The following PPFIBP2 variants were observed in gnomAD, a reference collection of about 807,000 sequenced individuals.
PPFIBP2 encodes the protein liprin-beta-2.
Under a neutral mutation model 118.3 loss-of-function variants are expected in PPFIBP2, and 118 were observed. The ratio of observed to expected loss-of-function variants is 1.00; its 90% CI spans 0.86 to 1.16. PPFIBP2 has a LOEUF of 1.16. Among genes scored for constraint, PPFIBP2 ranks in the 50% most tolerant of loss-of-function variants. The pLI, the probability that PPFIBP2 is intolerant of heterozygous loss-of-function variation, is 0.00. For synonymous variants in PPFIBP2, 414 were observed against 397.4 expected (o/e 1.04, Z -0.50); for missense variants, 1,195 against 1,073.1 (o/e 1.11, Z -1.59).
In PPFIBP2 at chr11:7,517,959, T is replaced by G. The variant is rs199836733; in HGVS notation, c.-37+3838T>G. On this transcript the variant is annotated intron_variant, in intron 1 of 23. Coordinates refer to ENST00000299492, the MANE Select transcript of PPFIBP2 (RefSeq NM_003621.5). The stretch of plus-strand genomic sequence containing the variant: ...GCAGAGGGGGCACGGCCTGGTGGGC[T>G]TACCTGGGTATGGGCATTGTCTGGA... Among the ~76,000 whole-genome samples the G allele has an allele frequency of 8.5e-5, 13 of 152,324 alleles. No individual in the cohort carries two copies. The East Asian group carries it at 2.5e-3, about 29-fold the overall frequency.
chr11:7,540,034 C>A (rs1165868372), intron 1 of PPFIBP2, among the ~76,000 whole-genome samples: 9 of 152,082 alleles, frequency 5.9e-5, no homozygotes, highest in Admixed American at 4.6e-4. Flanking sequence ...GGGCACAGCT[C>A]ATGAAGGAAA....
At chr11:7,553,088 T>C (rs1045955332) in intron 2 of PPFIBP2, among the ~76,000 whole-genome samples, 21 of 152,206 alleles carry the variant, frequency 1.4e-4, no homozygotes, top group African/African-American at 5.1e-4. Context: ...CTTTTGTGAC[T>C]AGGATCTCCT....
At chr11:7,639,390 G>A (rs1590747772) in intron 14 of PPFIBP2, among the ~76,000 whole-genome samples, 1 of 152,220 alleles carries the variant, frequency 6.6e-6, no homozygotes, top group Non-Finnish European at 1.5e-5. Context: ...AGCTTACAGA[G>A]TAATTCACGG....
At chr11:7,557,489 C>CT (rs57734219) in intron 2 of PPFIBP2, among the ~76,000 whole-genome samples, 1,552 of 107,866 alleles carry the variant, frequency 0.014, 42 homozygotes, top group East Asian at 0.039. Flanking sequence ...CTCATTGGCA[C>CT]TTTTTTTTTT....
intron 14 of PPFIBP2, among the ~76,000 whole-genome samples, chr11:7,636,296 T>C (rs1851442720): frequency 6.6e-6 from 1 of 152,168 alleles, no homozygotes; most frequent in Non-Finnish European, 1.5e-5. Flanking sequence ...CACGGTAAAA[T>C]GGGGCATCTC....
At chr11:7,556,184 A>G (rs571938657) in intron 2 of PPFIBP2, among the ~76,000 whole-genome samples, 45 of 152,324 alleles carry the variant, frequency 3.0e-4, no homozygotes, top group Middle Eastern at 6.8e-3. Flanking sequence ...GGCCAGGTGC[A>G]GTGGCTAACG....
In PPFIBP2 at chr11:7,633,318, T is replaced by C. The variant is rs115439406; in HGVS notation, c.1136+384T>C. ...ATTTAGCCCTTTGACAGTCGAAGCTTTCTAGGGAAGGCCATGTCTTCTCAT... is the reference window on the plus strand; with the variant it reads ...ATTTAGCCCTTTGACAGTCGAAGCTCTCTAGGGAAGGCCATGTCTTCTCAT... On this transcript the variant is annotated intron_variant, in intron 12 of 23. Coordinates refer to ENST00000299492, the MANE Select transcript of PPFIBP2 (RefSeq NM_003621.5). Among the ~76,000 whole-genome samples, 353 of 152,260 alleles carry C rather than the reference T, an allele frequency of 2.3e-3. 2 individuals carry two copies. The highest frequency in any genetic ancestry group is 7.9e-3 in the African/African-American group (330 of 41,542).
In PPFIBP2 at chr11:7,565,591, G is replaced by A; in HGVS notation, c.103G>A (p.Glu35Lys). 1 of 1,614,128 alleles carries A rather than the reference G, an allele frequency of 6.2e-7. No homozygotes were observed. Among genetic ancestry groups the A allele is most frequent in the Non-Finnish European group, 8.5e-7 (1 of 1,180,006 alleles). Residue 35 changes from glutamate (E) to lysine (K), a missense_variant, in exon 3 of 24, where the codon GAG becomes AAG. Transcript: ENST00000299492. ...TGCAGATCTTAGTGATGGTACTTGT[G>A]AGCCTGGACTGGCTTCCCCGGCCTC... ...TGADLSDGTC[E>K]PGLASPASYM... is the part of the protein sequence containing the mutation.
rs115345584 is a variant in PPFIBP2 at position 7,583,330 on chromosome 11, C to G, written c.280-9802C>G. Among the ~76,000 whole-genome samples the G allele has an allele frequency of 8.8e-3, 1,347 of 152,318 alleles. 18 individuals carry two copies. The highest frequency in any genetic ancestry group is 0.031 in the African/African-American group (1,287 of 41,544). ...AATTCTGTGTTCTCAAACTTTGGATCTTTCATGCCGAAGAGACACCAGGCT... is the reference window on the plus strand; with the variant it reads ...AATTCTGTGTTCTCAAACTTTGGATGTTTCATGCCGAAGAGACACCAGGCT... On this transcript the variant is annotated intron_variant, in intron 3 of 23. Coordinates refer to ENST00000299492, the MANE Select transcript of PPFIBP2 (RefSeq NM_003621.5).
chr11:7,631,235 G>T, intron 11 of PPFIBP2: 1 of 527,710 alleles, frequency 1.9e-6, no homozygotes, highest in Non-Finnish European at 3.4e-6. Context: ...GCAGCATGGT[G>T]GATACTGGAA....
intron 3 of PPFIBP2, among the ~76,000 whole-genome samples, chr11:7,566,991 A>G (rs1450854969): frequency 6.6e-6 from 1 of 152,184 alleles, no homozygotes; most frequent in African/African-American, 2.4e-5. Flanking sequence ...ATCTATTTGA[A>G]TGACCTTTTA....
In PPFIBP2 at chr11:7,565,541, C is replaced by T; in HGVS notation, c.65-12C>T. 1 of 1,614,016 alleles carries T rather than the reference C, an allele frequency of 6.2e-7. No individual in the cohort carries two copies. Among genetic ancestry groups the T allele is most frequent in the Non-Finnish European group, 8.5e-7 (1 of 1,179,876 alleles). ...CCCTTCTTACTGAGTTTTCACCTCT[C>T]TCTCATTGCAGGCACTAAAACAGGT... On this transcript the variant is annotated splice_polypyrimidine_tract_variant and intron_variant, in intron 2 of 23. Transcript: ENST00000299492.
At chr11:7,553,560 T>C (rs913070642) in intron 2 of PPFIBP2, among the ~76,000 whole-genome samples, 2 of 152,190 alleles carry the variant, frequency 1.3e-5, no homozygotes, top group African/African-American at 4.8e-5. Flanking sequence ...CTGTAGGGGT[T>C]TGAATCCCAG....
At chr11:7,520,852 T>C (rs1849695678) in intron 1 of PPFIBP2, among the ~76,000 whole-genome samples, 1 of 152,232 alleles carries the variant, frequency 6.6e-6, no homozygotes, top group Admixed American at 6.5e-5. Context: ...TGTGTCTCTG[T>C]CTTCATGGAA....
intron 1 of PPFIBP2, among the ~76,000 whole-genome samples, chr11:7,521,748 G>A (rs1394440978): frequency 6.6e-6 from 1 of 152,344 alleles, no homozygotes; most frequent in African/African-American, 2.4e-5. Flanking sequence ...GTAGATATGG[G>A]CCTTAAGCTG....
downstream of PPFIBP2, among the ~76,000 whole-genome samples, chr11:7,661,017 G>A (rs1854879164): frequency 6.6e-6 from 1 of 151,566 alleles, no homozygotes; most frequent in Admixed American, 6.6e-5. Context: ...TTTTTATTGT[G>A]TCTATTTGAT....
rs1380358868 is a variant in PPFIBP2, at chr11:7,641,620, A to G, written c.1517A>G (p.Lys506Arg). The change falls in exon 16 of 24, where the codon AAA (lysine) becomes AGA (arginine). Residue 506 changes from lysine to arginine, a missense_variant and splice_region_variant. By Grantham distance (26) the Lys-to-Arg change is conservative. Coordinates refer to ENST00000299492, the MANE Select transcript of PPFIBP2 (RefSeq NM_003621.5). ...NPKGIKKFWG[K>R]IRRTQSGNFY... ...AAAGGCATTAAGAAGTTCTGGGGAA[A>G]GTAAGTTGGTGCCGTTGATCCTAAT... The G allele has an allele frequency of 3.7e-6, 6 of 1,613,416 alleles. No homozygotes were observed. Among genetic ancestry groups the G allele is most frequent in the Middle Eastern group, 1.6e-4 (1 of 6,082 alleles).
At position 7,653,646 on chromosome 11, in the gene PPFIBP2, C is replaced by G. The variant is rs1854403098; in HGVS notation, c.*428C>G. On this transcript the variant is annotated 3_prime_UTR_variant, in exon 24 of 24. Transcript: ENST00000299492. ...CGTGGACCACAGTCTTGGCTGAGAT[C>G]AAAGGGATGAGCAACAGGGACTTCT... The G allele has an allele frequency of 2.3e-6, 3 of 1,293,046 alleles. No homozygotes were observed. The African/African-American group carries it at 4.5e-5, about 20-fold the overall frequency. The allele number at this position is 1,293,046 out of a possible 1,614,324, so 80.1% of individuals were successfully genotyped here. A position where few individuals can be genotyped will look rare whatever the true frequency, so the allele number is the denominator to read the frequency against.
rs1335591568 is a variant in PPFIBP2 at position 7,634,522 on chromosome 11, A to G, written c.1164A>G (p.Leu388=). 1.2e-6 allele frequency: 2 copies of G among 1,613,332 alleles called. No individual in the cohort carries two copies. Among genetic ancestry groups the G allele is most frequent in the Non-Finnish European group, 1.7e-6 (2 of 1,179,310 alleles). The change falls in exon 13 of 24, where the codon CTA becomes CTG. Residue 388 remains leucine (L), a synonymous_variant. Coordinates refer to ENST00000299492, the MANE Select transcript of PPFIBP2 (RefSeq NM_003621.5). ...TRAQKKLSCS[L]EDLRSESVDK... The stretch of plus-strand genomic sequence containing the variant: ...CTCAGAAAAAGCTCTCTTGTAGTCT[A>G]GAAGACTTGAGAAGTGAATCTGTGG...
Sources: allele counts gnomAD v4.1 joint callset (sites outside exome capture counted in the v4.1 genomes callset), GRCh38; gene constraint gnomAD v4.1.1; transcripts MANE v1.5; gene names NCBI Gene and HGNC (gene_info 2026-07-23, HGNC 2026-07-21).